ANTXR1: variants seen among roughly 807,000 people sequenced by gnomAD.
The protein encoded by ANTXR1 is ANTXR cell adhesion molecule 1.
In ANTXR1, 19 loss-of-function variants were observed where a neutral mutation model predicts 78.1. That is an observed-to-expected ratio of 0.24 (90% CI 0.17 to 0.36). The LOEUF (loss-of-function observed/expected upper bound fraction) is 0.36. Among genes scored for constraint, ANTXR1 ranks in the 10% least tolerant of loss-of-function variants. The pLI, the probability that ANTXR1 is intolerant of heterozygous loss-of-function variation, is 1.00. For synonymous variants in ANTXR1, 273 were observed against 260.5 expected, an observed-to-expected ratio of 1.05 and a Z score of -0.46; for missense variants, 518 against 718.6, an observed-to-expected ratio of 0.72 and a Z score of 3.19.
At chr2:69,073,891 C>T (rs998369456) in intron 6 of ANTXR1, among the ~76,000 whole-genome samples, 1 of 152,202 alleles carries the variant, frequency 6.6e-6, no homozygotes, top group Non-Finnish European at 1.5e-5. Flanking sequence ...GAAACAACAT[C>T]CCAGAGATGC....
chr2:69,022,590 G>T (rs927788281), intron 1 of ANTXR1, among the ~76,000 whole-genome samples: 27 of 152,210 alleles, frequency 1.8e-4, no homozygotes, highest in Admixed American at 2.6e-4. Context: ...CCTTGGGAAT[G>T]AATATGCTAA....
chr2:69,061,401 G>A (rs1670239293), intron 3 of ANTXR1, among the ~76,000 whole-genome samples: 1 of 151,484 alleles, frequency 6.6e-6, no homozygotes, highest in Admixed American at 6.6e-5. Flanking sequence ...TCTAAGAAAA[G>A]AGTTTGAAAA....
At chr2:69,022,441 T>C (rs146342355) in intron 1 of ANTXR1, among the ~76,000 whole-genome samples, 2 of 152,344 alleles carry the variant, frequency 1.3e-5, no homozygotes, top group East Asian at 3.9e-4. Context: ...GGTTGAGAAC[T>C]CCTGACTAAA....
intron 3 of ANTXR1, among the ~76,000 whole-genome samples, chr2:69,063,704 C>G (rs1466022564): frequency 6.6e-6 from 1 of 151,836 alleles, no homozygotes; most frequent in East Asian, 1.9e-4. Context: ...AGAAATAACA[C>G]TATTTTTGGA....
intron 1 of ANTXR1, among the ~76,000 whole-genome samples, chr2:69,021,115 T>C (rs866156800): frequency 6.6e-6 from 1 of 152,228 alleles, no homozygotes; most frequent in African/African-American, 2.4e-5. Context: ...GAACCCTTGC[T>C]ACCTGCCAGA....
chr2:69,124,440 G>T, intron 11 of ANTXR1, 125 bp from the exon 12 acceptor site: 1 of 851,152 alleles, frequency 1.2e-6, no homozygotes, highest in South Asian at 1.3e-5. Flanking sequence ...TCCTCCCCTG[G>T]AGAAGAGACT....
chr2:69,203,896 A>G (rs981466322), intron 17 of ANTXR1, among the ~76,000 whole-genome samples: 3 of 152,206 alleles, frequency 2.0e-5, no homozygotes, highest in African/African-American at 7.2e-5. Context: ...TAGCAAACAG[A>G]GAAGTAAATG....
intron 10 of ANTXR1, among the ~76,000 whole-genome samples, chr2:69,108,430 T>C (rs1260334318): frequency 6.6e-6 from 1 of 152,168 alleles, no homozygotes; most frequent in East Asian, 1.9e-4. Flanking sequence ...TTAGAAAATA[T>C]CACAAGAAAA....
chr2:69,093,689 A>G (rs528078451), intron 9 of ANTXR1, among the ~76,000 whole-genome samples: 5 of 152,364 alleles, frequency 3.3e-5, no homozygotes, highest in Admixed American at 3.3e-4. Flanking sequence ...TCAACAGATA[A>G]ATTATTCCAA....
At chr2:69,222,534 C>A (rs955098856) in intron 17 of ANTXR1, among the ~76,000 whole-genome samples, 17 of 152,158 alleles carry the variant, frequency 1.1e-4, no homozygotes, top group Non-Finnish European at 2.2e-4. Flanking sequence ...AAACAAGCAA[C>A]CCAAGAAAAA....
intron 10 of ANTXR1, among the ~76,000 whole-genome samples, chr2:69,122,149 C>A (rs1003311674): frequency 6.6e-6 from 1 of 152,176 alleles, no homozygotes. Flanking sequence ...TTTTCAAATT[C>A]TTCTTATATC....
chr2:69,029,052 T>G (rs1047176884), intron 1 of ANTXR1, among the ~76,000 whole-genome samples: 3 of 112,918 alleles, frequency 2.7e-5, no homozygotes, highest in Admixed American at 9.6e-5. Flanking sequence ...CCCCCCCCCC[T>G]CCATCTCTAC....
intron 17 of ANTXR1, among the ~76,000 whole-genome samples, chr2:69,216,942 C>G (rs61288293): frequency 0.066 from 10,063 of 152,232 alleles, 878 homozygotes; most frequent in East Asian, 0.37. Context: ...TCTGAGCCAT[C>G]TCAATTGCAG....
intron 17 of ANTXR1, among the ~76,000 whole-genome samples, chr2:69,216,415 GCATATACATA>G (rs930908381): frequency 8.5e-5 from 13 of 152,084 alleles, no homozygotes; most frequent in Middle Eastern, 3.4e-3. Context: ...ATACACACAT[GCATATACATA>G]CATATACACA....
At chr2:69,178,609 GCC>G (rs961282461) in intron 14 of ANTXR1, among the ~76,000 whole-genome samples, 1 of 152,006 alleles carries the variant, frequency 6.6e-6, no homozygotes, top group Admixed American at 6.5e-5. Flanking sequence ...AGGGAGAACT[GCC>G]CCCGTGTGCA....
chr2:69,041,606 T>A (rs906656674), intron 2 of ANTXR1, among the ~76,000 whole-genome samples: 3 of 152,182 alleles, frequency 2.0e-5, no homozygotes, highest in African/African-American at 7.2e-5. Context: ...GAACCCTAGT[T>A]TATATATGAG....
intron 12 of ANTXR1, among the ~76,000 whole-genome samples, chr2:69,147,260 C>T (rs1236650049): frequency 2.6e-5 from 4 of 152,226 alleles, no homozygotes; most frequent in Non-Finnish European, 4.4e-5. Flanking sequence ...TTAGCATAAC[C>T]GAACTATTTT....
At chr2:69,050,874 G>A (rs1361552116) in intron 3 of ANTXR1, among the ~76,000 whole-genome samples, 1 of 151,976 alleles carries the variant, frequency 6.6e-6, no homozygotes, top group Non-Finnish European at 1.5e-5. Flanking sequence ...TTTCTTAAAT[G>A]TATTCATCAG....
chr2:69,248,513 A>C lies in ANTXR1; in HGVS notation c.*3028A>C, dbSNP rs1469641943. 6.6e-6 allele frequency: 1 copy of C among 152,656 alleles called. No individual in the cohort carries two copies. The highest frequency in any genetic ancestry group is 1.5e-5 in the Non-Finnish European group (1 of 68,034). The allele number at this position is 152,656 out of a possible 1,614,324, so 9.5% of individuals were successfully genotyped here. A position where few individuals can be genotyped will look rare whatever the true frequency, so the allele number is the denominator to read the frequency against. On this transcript the variant is annotated 3_prime_UTR_variant, in exon 18 of 18. Transcript: ENST00000303714. ...AGCCAGCTCACAGTTTCTTGCCTGA[A>C]GCTTGGTGCACCCTCCAGTGAGACA... is the stretch of plus-strand genomic sequence containing the variant.
Sources: allele counts gnomAD v4.1 joint callset (sites outside exome capture counted in the v4.1 genomes callset), GRCh38; gene constraint gnomAD v4.1.1; transcripts MANE v1.5; gene names NCBI Gene and HGNC (gene_info 2026-07-23, HGNC 2026-07-21).